HOMER1: variants seen among roughly 807,000 people sequenced by gnomAD.
The protein encoded by HOMER1 is homer scaffold protein 1, also known as homer protein homolog 1.
A neutral mutation model predicts 48.9 loss-of-function variants in HOMER1; 3 were observed. That is an observed-to-expected ratio of 0.06 (90% CI 0.03 to 0.16). The LOEUF is 0.16. Among genes scored for constraint, HOMER1 ranks in the 10% least tolerant of loss-of-function variants. The pLI, the probability that HOMER1 is intolerant of heterozygous loss-of-function variation, is 1.00. For synonymous variants in HOMER1, 134 were observed against 146.4 expected (o/e 0.92, Z 0.61); for missense variants, 247 against 411.4 (o/e 0.60, Z 3.46).
chr5:79,438,314 T>C (rs545886572), intron 5 of HOMER1, among the ~76,000 whole-genome samples: 15 of 152,336 alleles, frequency 9.8e-5, no homozygotes, highest in African/African-American at 3.1e-4. Flanking sequence ...ATTTGCAAGA[T>C]TGCAATTGCA....
rs908657367 is a variant in HOMER1, at chr5:79,373,668, G to A, written c.*2341C>T. 6.6e-6 allele frequency: 1 copy of A among 151,808 alleles called. No individual in the cohort carries two copies. The highest frequency in any genetic ancestry group is 1.5e-5 in the Non-Finnish European group (1 of 67,878). 9.4% of individuals were successfully genotyped at this position (151,808 alleles called of 1,614,324 possible). ...AGATTTTATTTATATGTGCACTTGTGTCCACCTTATCCCATATACTGTACA... is the reference window on the plus strand; with the variant it reads ...AGATTTTATTTATATGTGCACTTGTATCCACCTTATCCCATATACTGTACA... On this transcript the variant is annotated 3_prime_UTR_variant, in exon 9 of 9. Transcript: ENST00000334082.
intron 8 of HOMER1, among the ~76,000 whole-genome samples, chr5:79,378,077 A>G (rs1193542911): frequency 6.6e-6 from 1 of 152,014 alleles, no homozygotes; most frequent in African/African-American, 2.4e-5. Context: ...AAAATTAGCC[A>G]GGCGTGGTGG....
At chr5:79,410,747 T>C (rs1561353251) in intron 5 of HOMER1, among the ~76,000 whole-genome samples, 2 of 152,140 alleles carry the variant, frequency 1.3e-5, no homozygotes, top group African/African-American at 4.8e-5. Context: ...GATATCACAT[T>C]TCTCCTCCAT....
intron 5 of HOMER1, among the ~76,000 whole-genome samples, chr5:79,433,072 T>G (rs962748376): frequency 6.6e-6 from 1 of 152,184 alleles, no homozygotes; most frequent in Non-Finnish European, 1.5e-5. Context: ...TTACATACAG[T>G]CCACAGTCTC....
intron 1 of HOMER1, among the ~76,000 whole-genome samples, chr5:79,464,284 G>A (rs1751393975): frequency 6.6e-6 from 1 of 152,148 alleles, no homozygotes. Flanking sequence ...TACAGGTGCT[G>A]AAGGTACATC....
chr5:79,379,902 A>G (rs1748921750), intron 8 of HOMER1, among the ~76,000 whole-genome samples: 1 of 151,958 alleles, frequency 6.6e-6, no homozygotes, highest in African/African-American at 2.4e-5. Context: ...AGAATCATCA[A>G]CTCCCTCCTG....
At chr5:79,507,265 C>T (rs1014904128) in intron 1 of HOMER1, among the ~76,000 whole-genome samples, 5 of 144,208 alleles carry the variant, frequency 3.5e-5, no homozygotes, top group South Asian at 2.3e-4. Context: ...GTTTTACCTA[C>T]TCTTGCAATA....
At chr5:79,505,584 A>G (rs1378985132) in intron 1 of HOMER1, among the ~76,000 whole-genome samples, 1 of 152,202 alleles carries the variant, frequency 6.6e-6, no homozygotes, top group Non-Finnish European at 1.5e-5. Flanking sequence ...GATAACATTG[A>G]AACTCTTCTT....
intron 1 of HOMER1, among the ~76,000 whole-genome samples, chr5:79,472,704 G>T (rs557415644): frequency 3.3e-5 from 5 of 151,934 alleles, no homozygotes; most frequent in Admixed American, 3.3e-4. Context: ...GCTTGAGCCC[G>T]TAAGTTTGAG....
Position 79,439,063 on chromosome 5 carries a change from C to G in HOMER1, c.474G>C (p.Gln158His), listed in dbSNP as rs1750671183. 6.2e-7 allele frequency: 1 copy of G among 1,613,898 alleles called. No individual in the cohort carries two copies. Among genetic ancestry groups the G allele is most frequent in the Non-Finnish European group, 8.5e-7 (1 of 1,179,832 alleles). Residue 158 changes from glutamine to histidine, a missense_variant, in exon 5 of 9, where the codon CAG becomes CAC. Gln to His is a conservative substitution (Grantham distance 24). Transcript: ENST00000334082. Reference sequence around the variant, plus strand: ...TTGGTTCAGCCCTTGGCTCTGAGTTCTGTGTCACATCAGGTGTTCTTTCAT... The same window carrying G: ...TTGGTTCAGCCCTTGGCTCTGAGTTGTGTGTCACATCAGGTGTTCTTTCAT... ...TDDERTPDVTQNSEPRAEPTQ... is the reference protein window; with the variant it reads ...TDDERTPDVTHNSEPRAEPTQ...
chr5:79,419,874 CT>C (rs1750049362), intron 5 of HOMER1, among the ~76,000 whole-genome samples: 1 of 100,340 alleles, frequency 1.0e-5, no homozygotes, highest in Non-Finnish European at 1.8e-5. Context: ...GGAAGTACCT[CT>C]TCCTTAAAAT....
chr5:79,391,464 G>A (rs561261180), intron 8 of HOMER1, among the ~76,000 whole-genome samples: 1 of 151,616 alleles, frequency 6.6e-6, no homozygotes, highest in South Asian at 2.1e-4. Flanking sequence ...AAAAAAAAAG[G>A]CCAGGTGCAG....
At chr5:79,423,220 C>A (rs964457240) in intron 5 of HOMER1, among the ~76,000 whole-genome samples, 1 of 152,146 alleles carries the variant, frequency 6.6e-6, no homozygotes, top group African/African-American at 2.4e-5. Context: ...AGCCACTAGA[C>A]AGCACAAGTT....
intron 5 of HOMER1, among the ~76,000 whole-genome samples, chr5:79,432,563 T>A (rs924197492): frequency 6.6e-6 from 1 of 152,182 alleles, no homozygotes; most frequent in Non-Finnish European, 1.5e-5. Context: ...GTGAATAATC[T>A]TTACCAAGTG....
rs75391502 is a variant in HOMER1, at chr5:79,434,202, G to C, written c.527+4808C>G. 3.5e-3 allele frequency among the ~76,000 whole-genome samples: 532 copies of C among 151,928 alleles called. 3 individuals are homozygous for C. Among genetic ancestry groups the C allele is most frequent in the Middle Eastern group, 0.014 (4 of 294 alleles). On this transcript the variant is annotated intron_variant, in intron 5 of 8. Coordinates refer to ENST00000334082, the MANE Select transcript of HOMER1 (RefSeq NM_004272.5). ...TTTATCTATATTGTACCATATTTGAGGATCAAAAAATTGTAATGAACAAAA... is the reference window on the plus strand; with the variant it reads ...TTTATCTATATTGTACCATATTTGACGATCAAAAAATTGTAATGAACAAAA...
At chr5:79,434,558 TA>T (rs938691903) in intron 5 of HOMER1, among the ~76,000 whole-genome samples, 1 of 152,108 alleles carries the variant, frequency 6.6e-6, no homozygotes, top group Non-Finnish European at 1.5e-5. Context: ...TCATTTAGGT[TA>T]AAAAATGTTT....
intron 2 of HOMER1, 81 bp downstream of exon 2, chr5:79,456,781 A>G (rs886848184): frequency 8.3e-7 from 1 of 1,206,004 alleles, no homozygotes; most frequent in Non-Finnish European, 1.2e-6. Flanking sequence ...ATTAATGAAG[A>G]TAAAATGTTC....
At chr5:79,486,185 C>T (rs1752096283) in intron 1 of HOMER1, among the ~76,000 whole-genome samples, 1 of 152,184 alleles carries the variant, frequency 6.6e-6, no homozygotes, top group South Asian at 2.1e-4. Flanking sequence ...GTAAACCCCA[C>T]AGCCCTCAGT....
At chr5:79,437,111 G>T (rs537544158) in intron 5 of HOMER1, among the ~76,000 whole-genome samples, 1 of 152,166 alleles carries the variant, frequency 6.6e-6, no homozygotes, top group South Asian at 2.1e-4. Context: ...ACCAATTCCA[G>T]GTAGTAACTC....
Sources: allele counts gnomAD v4.1 joint callset (sites outside exome capture counted in the v4.1 genomes callset), GRCh38; gene constraint gnomAD v4.1.1; transcripts MANE v1.5; gene names NCBI Gene and HGNC (gene_info 2026-07-23, HGNC 2026-07-21).